SLC2A13: variants seen among roughly 807,000 people sequenced by gnomAD.
SLC2A13 encodes the protein solute carrier family 2 member 13.
In SLC2A13, 32 loss-of-function variants were observed where a neutral mutation model predicts 64.4. The observed-to-expected ratio is 0.50, with a 90% CI of 0.37 to 0.67. The LOEUF is 0.67. Among genes scored for constraint, SLC2A13 ranks in the 30% least tolerant of loss-of-function variants. The probability of loss-of-function intolerance (pLI) is 0.00; values close to 1 mark genes in which losing one functional copy is unlikely to be tolerated. For missense variants in SLC2A13, 743 were observed against 829.2 expected, an observed-to-expected ratio of 0.90 and a Z score of 1.28; for synonymous variants, 338 against 327.1, an observed-to-expected ratio of 1.03 and a Z score of -0.36.
In SLC2A13 at chr12:39,891,062, C is replaced by T. The variant is rs924362185; in HGVS notation, c.1035-19101G>A. 2.0e-5 allele frequency among the ~76,000 whole-genome samples: 3 copies of T among 151,168 alleles called. No individual in the cohort carries two copies. In the Admixed American group the frequency reaches 2.0e-4, roughly 10 times the overall value. ...TATATAGTTTAAAAACAGCAAGTGGCAATAGAAAAATTCTGGACACCTAAA... is the reference window on the plus strand; with the variant it reads ...TATATAGTTTAAAAACAGCAAGTGGTAATAGAAAAATTCTGGACACCTAAA... On this transcript the variant is annotated intron_variant, in intron 4 of 9. Transcript: ENST00000280871.
At chr12:39,867,596 C>T (rs1943942384) in intron 5 of SLC2A13, among the ~76,000 whole-genome samples, 1 of 152,090 alleles carries the variant, frequency 6.6e-6, no homozygotes, top group Non-Finnish European at 1.5e-5. Flanking sequence ...AAGGTCCAAC[C>T]AACCTAAAAA....
chr12:39,925,824 C>G (rs1163136279), intron 4 of SLC2A13, among the ~76,000 whole-genome samples: 1 of 152,158 alleles, frequency 6.6e-6, no homozygotes, highest in Non-Finnish European at 1.5e-5. Flanking sequence ...TAATTTTCAG[C>G]AAATCCAATT....
chr12:40,034,646 T>C (rs1947950760), intron 2 of SLC2A13, among the ~76,000 whole-genome samples: 1 of 152,240 alleles, frequency 6.6e-6, no homozygotes, highest in Non-Finnish European at 1.5e-5. Context: ...CTCAGAGGAA[T>C]ATTATAAATA....
rs961994884 is a variant in SLC2A13 at position 39,896,488 on chromosome 12, ATG to A, written c.1035-24529_1035-24528del. ...TATACATATATGTATATGTGTATAT[ATG>A]TACACATATATGTATGTACATGTGT... On this transcript the variant is annotated intron_variant, in intron 4 of 9. Coordinates refer to ENST00000280871, the MANE Select transcript of SLC2A13 (RefSeq NM_052885.4). 2.0e-5 allele frequency among the ~76,000 whole-genome samples: 3 copies of A among 147,776 alleles called. 1 individual carries two copies. The highest frequency in any genetic ancestry group is 7.5e-5 in the African/African-American group (3 of 40,220).
intron 4 of SLC2A13, among the ~76,000 whole-genome samples, chr12:39,945,112 T>A (rs1946112403): frequency 6.6e-6 from 1 of 152,198 alleles, no homozygotes; most frequent in Admixed American, 6.5e-5. Context: ...CCTTCCTTCA[T>A]ATATGATGCT....
chr12:39,953,591 C>T (rs1946269735), intron 3 of SLC2A13, among the ~76,000 whole-genome samples: 2 of 152,150 alleles, frequency 1.3e-5, no homozygotes, highest in African/African-American at 4.8e-5. Context: ...CTACTTAAAA[C>T]ATTTCTTTTG....
chr12:39,829,924 G>A, intron 7 of SLC2A13, 179 bp downstream of exon 7: 1 of 794,212 alleles, frequency 1.3e-6, no homozygotes, highest in Non-Finnish European at 2.0e-6. Context: ...TTTCTACTCT[G>A]TGTGAAACAC....
chr12:40,037,339 C>A (rs1038510070), intron 2 of SLC2A13, among the ~76,000 whole-genome samples: 1 of 152,066 alleles, frequency 6.6e-6, no homozygotes, highest in African/African-American at 2.4e-5. Flanking sequence ...TCACCAGGGG[C>A]TGGGTGCAGT....
At chr12:39,995,408 T>A (rs557430289) in intron 3 of SLC2A13, among the ~76,000 whole-genome samples, 1 of 152,046 alleles carries the variant, frequency 6.6e-6, no homozygotes, top group Admixed American at 6.6e-5. Context: ...TCATTTCCCC[T>A]CCCCGCTACC....
intron 7 of SLC2A13, among the ~76,000 whole-genome samples, chr12:39,769,231 A>C (rs1468272378): frequency 6.6e-6 from 1 of 152,098 alleles, no homozygotes; most frequent in Non-Finnish European, 1.5e-5. Context: ...CTATTGCCTC[A>C]ATTAATTAAA....
chr12:39,919,358 T>G (rs1024450582), intron 4 of SLC2A13, among the ~76,000 whole-genome samples: 6 of 152,130 alleles, frequency 3.9e-5, no homozygotes, highest in Admixed American at 2.0e-4. Context: ...AAAAGATAAC[T>G]GTGTGATTAT....
In SLC2A13 at chr12:39,992,265, A is replaced by C. The variant is rs547445093; in HGVS notation, c.925+36036T>G. Among the ~76,000 whole-genome samples the C allele has an allele frequency of 3.9e-5, 6 of 152,270 alleles. No individual in the cohort carries two copies. In the South Asian group the frequency reaches 1.2e-3, roughly 32 times the overall value. On this transcript the variant is annotated intron_variant, in intron 3 of 9. Transcript: ENST00000280871. Reference sequence around the variant, plus strand: ...AAAGAGAGCACACACATGAGGACCCAAGTGATTACGTTGTGCTTTCTACCC... The same window carrying C: ...AAAGAGAGCACACACATGAGGACCCCAGTGATTACGTTGTGCTTTCTACCC...
At position 40,028,381 on chromosome 12, in the gene SLC2A13, A is replaced by T; in HGVS notation, c.845T>A (p.Met282Lys). The T allele has an allele frequency of 6.2e-7, 1 of 1,614,056 alleles. No individual in the cohort carries two copies. Among genetic ancestry groups the T allele is most frequent in the Non-Finnish European group, 8.5e-7 (1 of 1,179,974 alleles). ...CTCATCAATGGTCTGGTTACCACGC[A>T]TCTGAGATAAAATTCTACGGGCCTT... ...TQKARRILSQMRGNQTIDEEY... is the reference protein window; with the variant it reads ...TQKARRILSQKRGNQTIDEEY... Residue 282 changes from methionine (M) to lysine (K), a missense_variant, in exon 3 of 10, where the codon ATG becomes AAG. Met to Lys is a moderately conservative substitution (Grantham distance 95). Around this residue, in one of 2 missense-constraint regions of SLC2A13, gnomAD observed 448 missense variants for 447.4 expected, o/e 1.00. Transcript: ENST00000280871.
At chr12:40,097,879 T>C (rs1939005780) in intron 1 of SLC2A13, among the ~76,000 whole-genome samples, 1 of 151,916 alleles carries the variant, frequency 6.6e-6, no homozygotes, top group Admixed American at 6.6e-5. Flanking sequence ...TGGGTATATA[T>C]CCAAAATAAT....
chr12:39,986,766 C>G lies in SLC2A13; in HGVS notation c.926-35401G>C, dbSNP rs142011252. The stretch of plus-strand genomic sequence containing the variant: ...CTGTAGACCACACTGATCAAACCGA[C>G]CAATTTCAAAGAGAACAAATCTCAG... On this transcript the variant is annotated intron_variant, in intron 3 of 9. Coordinates refer to ENST00000280871, the MANE Select transcript of SLC2A13 (RefSeq NM_052885.4). 2.3e-3 allele frequency among the ~76,000 whole-genome samples: 349 copies of G among 151,768 alleles called. 1 individual carries two copies. Among genetic ancestry groups the G allele is most frequent in the African/African-American group, 7.9e-3 (327 of 41,384 alleles).
chr12:39,970,490 TA>T (rs1946626593), intron 3 of SLC2A13, among the ~76,000 whole-genome samples: 1 of 152,208 alleles, frequency 6.6e-6, no homozygotes, highest in Non-Finnish European at 1.5e-5. Flanking sequence ...CCTTTTGTGA[TA>T]CTACAGAATT....
At chr12:39,984,615 T>C (rs548162896) in intron 3 of SLC2A13, among the ~76,000 whole-genome samples, 1 of 152,304 alleles carries the variant, frequency 6.6e-6, no homozygotes, top group East Asian at 1.9e-4. Context: ...ATCCAGTGAA[T>C]ATATTCCATT....
chr12:39,896,617 T>C (rs1808715105), intron 4 of SLC2A13, among the ~76,000 whole-genome samples: 2 of 151,508 alleles, frequency 1.3e-5, no homozygotes, highest in South Asian at 2.1e-4. Flanking sequence ...TATGTGTTTA[T>C]ATGTAAATTA....
chr12:39,824,234 C>T (rs1176033953), intron 7 of SLC2A13, among the ~76,000 whole-genome samples: 1 of 152,082 alleles, frequency 6.6e-6, no homozygotes, highest in Non-Finnish European at 1.5e-5. Flanking sequence ...TTTGAATGGT[C>T]CTAGTTAACT....
Sources: gnomAD v4.1 joint callset for allele counts (sites outside exome capture counted in the v4.1 genomes callset) on GRCh38, gnomAD v4.1.1 for gene constraint, gnomAD v4.1.1 regional missense constraint, MANE v1.5 for transcripts, NCBI Gene and HGNC (gene_info 2026-07-23, HGNC 2026-07-21) for gene names.